The following LAPTM4B variants were observed in gnomAD, a reference collection of about 807,000 sequenced individuals.
LAPTM4B encodes lysosomal-associated transmembrane protein 4B.
Under a neutral mutation model 28.5 loss-of-function variants are expected in LAPTM4B, and 26 were observed. That is an observed-to-expected ratio of 0.91 (90% confidence interval 0.67 to 1.27). LAPTM4B has a LOEUF of 1.27. LAPTM4B is among the 50% of genes most tolerant of loss of function. LAPTM4B has a pLI of 0.00. For synonymous variants in LAPTM4B, 109 were observed against 106.4 expected (o/e 1.02, Z -0.15); for missense variants, 288 against 285.8 (o/e 1.01, Z -0.06).
chr8:97,780,021 A>G (rs975169476), intron 1 of LAPTM4B, among the ~76,000 whole-genome samples: 19 of 148,220 alleles, frequency 1.3e-4, no homozygotes, highest in African/African-American at 4.5e-4. Flanking sequence ...ACTGCACTCC[A>G]GCTTGGGCAA....
intron 1 of LAPTM4B, among the ~76,000 whole-genome samples, chr8:97,799,575 G>T (rs528107558): frequency 1.3e-5 from 2 of 152,246 alleles, no homozygotes; most frequent in African/African-American, 2.4e-5. Context: ...AGGCCCTATT[G>T]TGCAGGAGCT....
rs758901891 is a variant in LAPTM4B at position 97,776,109 on chromosome 8, G to A, written c.99+1G>A. 2 of 1,513,324 alleles carry A rather than the reference G, an allele frequency of 1.3e-6. No individual in the cohort carries two copies. Among genetic ancestry groups the A allele is most frequent in the Non-Finnish European group, 1.8e-6 (2 of 1,115,994 alleles). The allele number at this position is 1,513,324 out of a possible 1,614,324, so 93.7% of individuals were successfully genotyped here. On this transcript the variant is annotated splice_donor_variant, in intron 1 of 6. Transcript: ENST00000521545. LOFTEE classifies it high-confidence loss of function. ...CATCCTGCTCGGCGTCTGGTATCTG[G>A]TGAGCGCGGCGCGCCCGGCCCGGGA...
At chr8:97,829,680 T>A (rs1019651031) in intron 6 of LAPTM4B, among the ~76,000 whole-genome samples, 6 of 151,478 alleles carry the variant, frequency 4.0e-5, no homozygotes, top group Non-Finnish European at 8.8e-5. Context: ...TTTGCTGAAT[T>A]TTTCTTTTCT....
intron 5 of LAPTM4B, among the ~76,000 whole-genome samples, chr8:97,824,155 A>T (rs143531540): frequency 6.6e-6 from 1 of 152,056 alleles, no homozygotes; most frequent in African/African-American, 2.4e-5. Context: ...GTGTGGATGT[A>T]TATTTTCATT....
chr8:97,851,703 G>A lies in LAPTM4B; in HGVS notation c.*229G>A, dbSNP rs373097717. The A allele has an allele frequency of 1.3e-5, 7 of 550,342 alleles. No individual in the cohort carries two copies. Among genetic ancestry groups the A allele is most frequent in the African/African-American group, 5.7e-5 (3 of 52,688 alleles). 34.1% of individuals were successfully genotyped at this position (550,342 alleles called of 1,614,324 possible). ...CTTCCTGTACGATTGGGGATATAAT[G>A]GGCTTCACTAACCTTCCCTAGGCAT... On this transcript the variant is annotated 3_prime_UTR_variant, in exon 7 of 7. Coordinates refer to ENST00000521545, the MANE Select transcript of LAPTM4B (RefSeq NM_018407.6).
At chr8:97,824,476 C>G (rs1401682093) in intron 5 of LAPTM4B, among the ~76,000 whole-genome samples, 10 of 152,142 alleles carry the variant, frequency 6.6e-5, no homozygotes, top group Non-Finnish European at 1.2e-4. Context: ...ACTCATGTTT[C>G]ATTTCTAAGC....
At chr8:97,783,121 A>G (rs1376811164) in intron 1 of LAPTM4B, among the ~76,000 whole-genome samples, 1 of 146,744 alleles carries the variant, frequency 6.8e-6, no homozygotes, top group Admixed American at 6.9e-5. Flanking sequence ...TTTTTTAGGA[A>G]CTTAGACACA....
chr8:97,807,814 A>G (rs993762995), intron 2 of LAPTM4B, among the ~76,000 whole-genome samples: 2 of 151,686 alleles, frequency 1.3e-5, no homozygotes, highest in Admixed American at 1.3e-4. Context: ...CTTTCTAGCC[A>G]TCATCTTCCA....
Position 97,844,482 on chromosome 8 carries a change from T to A in LAPTM4B, c.604-6915T>A, listed in dbSNP as rs1817399547. Among the ~76,000 whole-genome samples the A allele has an allele frequency of 1.3e-5, 2 of 152,192 alleles. 1 individual carries two copies. Among genetic ancestry groups the A allele is most frequent in the South Asian group, 4.1e-4 (2 of 4,826 alleles). On this transcript the variant is annotated intron_variant, in intron 6 of 6. Transcript: ENST00000521545. ...CTTGTGGAATTCATTGGTGTTAACATGTTCCCACCATCCTGAAACAGCTTG... is the reference window on the plus strand; with the variant it reads ...CTTGTGGAATTCATTGGTGTTAACAAGTTCCCACCATCCTGAAACAGCTTG...
rs867492355 is a variant in LAPTM4B, at chr8:97,825,137, C to A, written c.587C>A (p.Thr196Asn). 6.3e-7 allele frequency: 1 copy of A among 1,594,266 alleles called. No homozygotes were observed. Residue 196 changes from threonine to asparagine, a missense_variant, in exon 6 of 7, where the codon ACC becomes AAC. Thr to Asn is a moderately conservative substitution (Grantham distance 65). Transcript: ENST00000521545. Reference sequence around the variant, plus strand: ...TCCTCTGATGTCCTGGTTTATGTTACCAGCAATGACACTACGGTAGGTATG... The same window carrying A: ...TCCTCTGATGTCCTGGTTTATGTTAACAGCAATGACACTACGGTAGGTATG... ...RNSSDVLVYV[T>N]SNDTTVLLPP...
chr8:97,805,980 T>G (rs571191494), intron 2 of LAPTM4B, among the ~76,000 whole-genome samples: 1 of 152,260 alleles, frequency 6.6e-6, no homozygotes, highest in East Asian at 1.9e-4. Flanking sequence ...TGCAGCCTCA[T>G]CATTTTATAA....
chr8:97,797,513 T>A (rs1313462926), intron 1 of LAPTM4B, among the ~76,000 whole-genome samples: 1 of 152,200 alleles, frequency 6.6e-6, no homozygotes, highest in Non-Finnish European at 1.5e-5. Context: ...TTTTAAAAAA[T>A]AAGATTTTAA....
At chr8:97,786,349 T>TA (rs36173719) in intron 1 of LAPTM4B, among the ~76,000 whole-genome samples, 2 of 147,458 alleles carry the variant, frequency 1.4e-5, no homozygotes, top group East Asian at 2.0e-4. Flanking sequence ...TGTGGGAGGT[T>TA]AAAAAAAAAT....
At chr8:97,791,035 G>A (rs983042092) in intron 1 of LAPTM4B, among the ~76,000 whole-genome samples, 1 of 152,140 alleles carries the variant, frequency 6.6e-6, no homozygotes, top group Non-Finnish European at 1.5e-5. Context: ...CTCCCGAGTA[G>A]CTGGGACCAC....
chr8:97,801,274 T>C (rs7828739), intron 1 of LAPTM4B, among the ~76,000 whole-genome samples: 67,611 of 150,162 alleles, frequency 0.45, 15,556 homozygotes, highest in East Asian at 0.57. Flanking sequence ...CGCCCCCCAC[T>C]GGGTTCAAGC....
intron 6 of LAPTM4B, among the ~76,000 whole-genome samples, chr8:97,844,115 G>T (rs971807461): frequency 6.6e-5 from 10 of 151,448 alleles, no homozygotes; most frequent in African/African-American, 2.2e-4. Flanking sequence ...AGGATGGGGA[G>T]AGGGGGGTCT....
intron 1 of LAPTM4B, among the ~76,000 whole-genome samples, chr8:97,804,792 A>ACTGGCCTGGCCTGGC (rs370311995): frequency 3.3e-5 from 5 of 151,918 alleles, no homozygotes; most frequent in Admixed American, 1.3e-4. Flanking sequence ...AGACAGGACT[A>ACTGGCCTGGCCTGGC]CTGGCCTGGC....
intron 6 of LAPTM4B, among the ~76,000 whole-genome samples, chr8:97,831,136 A>G (rs1007753687): frequency 2.8e-4 from 42 of 152,144 alleles, no homozygotes; most frequent in Admixed American, 3.3e-4. Flanking sequence ...TGAGGATGAT[A>G]AGGGTCATGG....
chr8:97,799,603 C>T (rs760375752), intron 1 of LAPTM4B, among the ~76,000 whole-genome samples: 6 of 152,004 alleles, frequency 3.9e-5, no homozygotes, highest in African/African-American at 9.7e-5. Flanking sequence ...CAACAATGGC[C>T]GCCTATAATT....
Sources: allele counts gnomAD v4.1 joint callset (sites outside exome capture counted in the v4.1 genomes callset), GRCh38; gene constraint gnomAD v4.1.1; transcripts MANE v1.5; gene names NCBI Gene and HGNC (gene_info 2026-07-23, HGNC 2026-07-21).